Variants in HHAT observed in about 807,000 individuals in gnomAD.
HHAT encodes the protein protein-cysteine N-palmitoyltransferase HHAT.
A neutral mutation model predicts 70.8 loss-of-function variants in HHAT; 47 were observed. The ratio of observed to expected loss-of-function variants is 0.66; its 90% CI spans 0.53 to 0.85. The LOEUF (loss-of-function observed/expected upper bound fraction) is 0.85, where lower values mean the gene tolerates loss of function less well. Ranked by LOEUF, HHAT falls within the 40% of genes least tolerant of loss-of-function variation. The pLI is 0.00. For missense variants in HHAT, 609 were observed against 604.8 expected (o/e 1.01, Z -0.07); for synonymous variants, 228 against 247.6 (o/e 0.92, Z 0.74).
chr1:210,387,383 T>C lies in HHAT; in HGVS notation c.160-85T>C, dbSNP rs2091158813. The C allele has an allele frequency of 3.5e-6, 4 of 1,142,902 alleles. No individual in the cohort carries two copies. In the East Asian group the frequency reaches 9.6e-5, roughly 27 times the overall value. The allele number at this position is 1,142,902 out of a possible 1,614,324, so 70.8% of individuals were successfully genotyped here. ...ACAGAGTTTGGACTCACACTGGCCT[T>C]CTTTCCAGTTTTATTAACTGGAGTT... On this transcript the variant is annotated intron_variant, in intron 3 of 11. Coordinates refer to ENST00000261458, the MANE Select transcript of HHAT (RefSeq NM_018194.6).
chr1:210,357,055 T>C (rs1439718394), intron 2 of HHAT, among the ~76,000 whole-genome samples: 1 of 152,244 alleles, frequency 6.6e-6, no homozygotes, highest in African/African-American at 2.4e-5. Flanking sequence ...AACATTCTGT[T>C]TGGTGATGCT....
intron 8 of HHAT, among the ~76,000 whole-genome samples, chr1:210,509,475 G>A (rs1240699544): frequency 6.6e-6 from 1 of 152,170 alleles, no homozygotes. Flanking sequence ...GGCTAATGGA[G>A]ACTGTCTGGG....
chr1:210,394,146 T>C (rs1347632806), intron 4 of HHAT, among the ~76,000 whole-genome samples: 3 of 150,342 alleles, frequency 2.0e-5, no homozygotes, highest in Admixed American at 2.0e-4. Flanking sequence ...ATCTACTATC[T>C]AATCTCGTCT....
chr1:210,411,431 C>T (rs541841794), intron 6 of HHAT, among the ~76,000 whole-genome samples: 12 of 152,278 alleles, frequency 7.9e-5, no homozygotes, highest in South Asian at 4.1e-4. Context: ...GCCATTATCA[C>T]GTTCAGCTAG....
intron 6 of HHAT, among the ~76,000 whole-genome samples, chr1:210,407,781 A>G (rs555020535): frequency 1.3e-5 from 2 of 152,254 alleles, no homozygotes; most frequent in South Asian, 4.1e-4. Flanking sequence ...AGGGAAGGAC[A>G]TGGTGTTTAC....
chr1:210,394,901 G>T (rs1366540170), intron 4 of HHAT, among the ~76,000 whole-genome samples: 3 of 152,136 alleles, frequency 2.0e-5, no homozygotes, highest in Non-Finnish European at 2.9e-5. Context: ...TTTTACGTGG[G>T]CCTGCTGGCC....
At chr1:210,456,919 G>A (rs2093881492) in intron 7 of HHAT, among the ~76,000 whole-genome samples, 1 of 152,170 alleles carries the variant, frequency 6.6e-6, no homozygotes, top group South Asian at 2.1e-4. Context: ...CTGGGCTGTA[G>A]CACTTGCTGC....
intron 11 of HHAT, among the ~76,000 whole-genome samples, chr1:210,671,139 C>T (rs1469407434): frequency 1.3e-5 from 2 of 152,194 alleles, no homozygotes; most frequent in Non-Finnish European, 2.9e-5. Flanking sequence ...CAGAGCTGTG[C>T]AATGCCCCAG....
rs575625087 is a variant in HHAT at position 210,544,626 on chromosome 1, G to A, written c.1043+31438G>A. Among the ~76,000 whole-genome samples the A allele has an allele frequency of 2.0e-5, 3 of 152,084 alleles. No individual in the cohort carries two copies. In the South Asian group the frequency reaches 6.2e-4, roughly 32 times the overall value. ...GACTTCAGGTGATCCGCCCTCCTCA[G>A]CCTCCCAAAATGCTGGGATTATAGG... On this transcript the variant is annotated intron_variant, in intron 9 of 11. Coordinates refer to ENST00000261458, the MANE Select transcript of HHAT (RefSeq NM_018194.6).
intron 11 of HHAT, among the ~76,000 whole-genome samples, chr1:210,669,242 C>T (rs778851256): frequency 2.0e-5 from 3 of 152,130 alleles, no homozygotes; most frequent in Non-Finnish European, 4.4e-5. Context: ...GATATAATTG[C>T]TCAGAGAATT....
intron 8 of HHAT, among the ~76,000 whole-genome samples, chr1:210,475,549 G>T (rs1004693899): frequency 6.6e-6 from 1 of 152,194 alleles, no homozygotes; most frequent in South Asian, 2.1e-4. Flanking sequence ...ATGCCATGGG[G>T]TGACCTGAGG....
chr1:210,507,342 A>T (rs1170828764), intron 8 of HHAT, among the ~76,000 whole-genome samples: 1 of 151,698 alleles, frequency 6.6e-6, no homozygotes, highest in African/African-American at 2.4e-5. Flanking sequence ...AAACTAAAGA[A>T]AACATTTTTC....
At chr1:210,647,174 T>C (rs1309686669) in intron 11 of HHAT, among the ~76,000 whole-genome samples, 1 of 152,232 alleles carries the variant, frequency 6.6e-6, no homozygotes, top group Admixed American at 6.5e-5. Flanking sequence ...GCGCTTTTCA[T>C]GTTCCTTGGA....
At chr1:210,395,032 A>G (rs979226081) in intron 4 of HHAT, among the ~76,000 whole-genome samples, 18 of 152,114 alleles carry the variant, frequency 1.2e-4, no homozygotes, top group African/African-American at 4.3e-4. Context: ...ATATTTCAGT[A>G]GCAGCTGCTA....
chr1:210,417,326 A>G (rs1431369369), intron 6 of HHAT, among the ~76,000 whole-genome samples: 2 of 152,216 alleles, frequency 1.3e-5, no homozygotes, highest in Non-Finnish European at 2.9e-5. Flanking sequence ...TCCGCCTCCC[A>G]GGTTCAAGCA....
intron 10 of HHAT, among the ~76,000 whole-genome samples, chr1:210,609,785 A>G (rs1666224475): frequency 1.3e-5 from 2 of 152,136 alleles, no homozygotes; most frequent in African/African-American, 2.4e-5. Context: ...TTCCTGCATT[A>G]GTTTGCTGAG....
intron 7 of HHAT, among the ~76,000 whole-genome samples, chr1:210,419,527 C>G (rs1284775034): frequency 2.0e-5 from 3 of 152,164 alleles, no homozygotes; most frequent in African/African-American, 7.2e-5. Context: ...GCCTGTAGCT[C>G]CAATAACTGT....
intron 3 of HHAT, among the ~76,000 whole-genome samples, chr1:210,375,213 T>C (rs570433449): frequency 8.0e-4 from 122 of 152,308 alleles, no homozygotes; most frequent in African/African-American, 2.9e-3. Context: ...GCCTCTTTGA[T>C]GGCCATACTC....
chr1:210,422,732 G>A (rs1353794983), intron 7 of HHAT, among the ~76,000 whole-genome samples: 1 of 152,114 alleles, frequency 6.6e-6, no homozygotes, highest in Non-Finnish European at 1.5e-5. Flanking sequence ...CTGCCTCTTG[G>A]TTTCAAGTAT....
Sources: allele counts gnomAD v4.1 joint callset (sites outside exome capture counted in the v4.1 genomes callset), GRCh38; gene constraint gnomAD v4.1.1; transcripts MANE v1.5; gene names NCBI Gene and HGNC (gene_info 2026-07-23, HGNC 2026-07-21).